Variants in FAM81A observed in about 807,000 individuals in gnomAD.
FAM81A encodes protein FAM81A.
In FAM81A, 19 loss-of-function variants were observed where a neutral mutation model predicts 46.7. The observed-to-expected ratio is 0.41, with a 90% CI of 0.28 to 0.60. The LOEUF is 0.60. FAM81A is among the 20% of genes least tolerant of loss of function. The probability of loss-of-function intolerance (pLI) is 0.34; values close to 1 mark genes in which losing one functional copy is unlikely to be tolerated. For missense variants in FAM81A, 377 were observed against 453.5 expected (o/e 0.83, Z 1.53); for synonymous variants, 183 against 152.9 (o/e 1.20, Z -1.45).
intron 3 of FAM81A, among the ~76,000 whole-genome samples, chr15:59,471,391 C>T (rs1442584176): frequency 2.6e-5 from 4 of 152,092 alleles, no homozygotes; most frequent in African/African-American, 4.8e-5. Flanking sequence ...TGTAATGTTT[C>T]TTCTCTTAAA....
chr15:59,414,336 G>A (rs1170397895), intron 2 of FAM81A, among the ~76,000 whole-genome samples: 3 of 152,156 alleles, frequency 2.0e-5, no homozygotes, highest in Non-Finnish European at 4.4e-5. Flanking sequence ...TTTCATAGCT[G>A]AGTCCATGAA....
At chr15:59,474,941 C>A (rs2081746801) in intron 3 of FAM81A, among the ~76,000 whole-genome samples, 1 of 152,250 alleles carries the variant, frequency 6.6e-6, no homozygotes, top group South Asian at 2.1e-4. Flanking sequence ...TGCTATTCAG[C>A]CATTCTTTGC....
Position 59,514,807 on chromosome 15 carries a change from A to G in FAM81A, c.786+383A>G, listed in dbSNP as rs528694863. Among the ~76,000 whole-genome samples, 5 of 152,318 alleles carry G rather than the reference A, an allele frequency of 3.3e-5. No individual in the cohort carries two copies. In the South Asian group the frequency reaches 1.0e-3, roughly 32 times the overall value. ...GTGTTGAATAGATTTCTGTCTCCAG[A>G]TCACACCATTCTACTGTAGCTACAT... On this transcript the variant is annotated intron_variant, in intron 7 of 8. Transcript: ENST00000288228.
At chr15:59,508,483 G>C (rs1894301503) in intron 5 of FAM81A, among the ~76,000 whole-genome samples, 1 of 152,140 alleles carries the variant, frequency 6.6e-6, no homozygotes, top group South Asian at 2.1e-4. Context: ...GACCTTGATG[G>C]ATTTTGTAAA....
At chr15:59,488,557 A>G (rs1045714132) in intron 3 of FAM81A, among the ~76,000 whole-genome samples, 1 of 152,238 alleles carries the variant, frequency 6.6e-6, no homozygotes, top group Non-Finnish European at 1.5e-5. Flanking sequence ...GTACTGATAA[A>G]CAAATTCAAT....
chr15:59,461,247 A>G (rs1430817992), intron 3 of FAM81A, among the ~76,000 whole-genome samples: 1 of 152,112 alleles, frequency 6.6e-6, no homozygotes, highest in Non-Finnish European at 1.5e-5. Flanking sequence ...TTTCATATAA[A>G]TGGAAACCTT....
At chr15:59,479,502 C>A (rs2081819809) in intron 3 of FAM81A, among the ~76,000 whole-genome samples, 1 of 117,078 alleles carries the variant, frequency 8.5e-6, no homozygotes, top group Non-Finnish European at 1.6e-5. Context: ...CAGAGTGAGA[C>A]TCTGTCTCAA....
At chr15:59,437,789 C>G (rs1392868472), upstream of FAM81A, among the ~76,000 whole-genome samples, 1 of 152,146 alleles carries the variant, frequency 6.6e-6, no homozygotes, top group African/African-American at 2.4e-5. Flanking sequence ...AGTGCCACCA[C>G]CATGGCTATG....
intron 2 of FAM81A, among the ~76,000 whole-genome samples, chr15:59,416,184 A>G (rs1567037826): frequency 6.6e-6 from 1 of 152,208 alleles, no homozygotes. Context: ...CCCAGAAAGC[A>G]CAAGTGAAAG....
intron 3 of FAM81A, among the ~76,000 whole-genome samples, chr15:59,482,902 T>G (rs1055496278): frequency 2.0e-5 from 3 of 152,124 alleles, no homozygotes; most frequent in Non-Finnish European, 4.4e-5. Context: ...TGCAAGAATG[T>G]ATTCATATGA....
chr15:59,405,650 G>A (rs4775164), intron 2 of FAM81A, among the ~76,000 whole-genome samples: 79 of 32,770 alleles, frequency 2.4e-3, no homozygotes, highest in Non-Finnish European at 4.2e-3. Flanking sequence ...CAAAAAAAAA[G>A]AATAATGATA....
intron 2 of FAM81A, among the ~76,000 whole-genome samples, chr15:59,406,502 T>C (rs2081095373): frequency 1.3e-5 from 2 of 152,316 alleles, no homozygotes; most frequent in African/African-American, 4.8e-5. Flanking sequence ...TCAGCTTTAT[T>C]AAGGCAAATT....
intron 4 of FAM81A, among the ~76,000 whole-genome samples, chr15:59,503,938 T>C (rs1244542777): frequency 7.2e-5 from 11 of 152,208 alleles, no homozygotes; most frequent in African/African-American, 2.7e-4. Flanking sequence ...AGACACAGCA[T>C]TGAAGCCAAG....
At chr15:59,433,859 A>G (rs2081231773), upstream of FAM81A, among the ~76,000 whole-genome samples, 1 of 152,142 alleles carries the variant, frequency 6.6e-6, no homozygotes, top group Admixed American at 6.5e-5. Context: ...TTTTTGAGAC[A>G]TAATACCTTT....
intron 3 of FAM81A, among the ~76,000 whole-genome samples, chr15:59,485,314 G>C (rs1382725097): frequency 6.6e-6 from 1 of 152,170 alleles, no homozygotes; most frequent in Non-Finnish European, 1.5e-5. Context: ...AGCAAGATTC[G>C]GTGCTGTGCT....
intron 6 of FAM81A, among the ~76,000 whole-genome samples, chr15:59,510,950 C>A (rs1016649564): frequency 2.6e-5 from 4 of 151,918 alleles, no homozygotes; most frequent in African/African-American, 9.7e-5. Flanking sequence ...GAATTCAAGA[C>A]CAGCCTGGCC....
At chr15:59,447,226 T>C (rs1275679027) in intron 1 of FAM81A, among the ~76,000 whole-genome samples, 3 of 152,228 alleles carry the variant, frequency 2.0e-5, no homozygotes, top group Non-Finnish European at 2.9e-5. Flanking sequence ...GCTGAGGTAA[T>C]GTACAGTTGA....
At chr15:59,451,154 GC>G (rs1187488979) in intron 1 of FAM81A, among the ~76,000 whole-genome samples, 1 of 152,200 alleles carries the variant, frequency 6.6e-6, no homozygotes, top group African/African-American at 2.4e-5. Flanking sequence ...TTATCAGGGG[GC>G]TGACTTACCT....
At chr15:59,440,888 C>T (rs146884810) in intron 1 of FAM81A, among the ~76,000 whole-genome samples, 4 of 152,268 alleles carry the variant, frequency 2.6e-5, no homozygotes, top group East Asian at 1.9e-4. Context: ...AAATCACCCC[C>T]GCTTGCCTGC....
Sources: gnomAD v4.1 joint callset for allele counts (sites outside exome capture counted in the v4.1 genomes callset) on GRCh38, gnomAD v4.1.1 for gene constraint, MANE v1.5 for transcripts, NCBI Gene and HGNC (gene_info 2026-07-23, HGNC 2026-07-21) for gene names.